Variants in ANO7 observed in about 807,000 individuals in gnomAD.
ANO7 encodes anoctamin 7, also known as anoctamin-7.
Under a neutral mutation model 115.8 loss-of-function variants are expected in ANO7, and 114 were observed. The ratio of observed to expected loss-of-function variants is 0.98; its 90% CI spans 0.85 to 1.15. The LOEUF (loss-of-function observed/expected upper bound fraction) is 1.15, where lower values mean the gene tolerates loss of function less well. Among genes scored for constraint, ANO7 ranks in the 50% most tolerant of loss-of-function variants. ANO7 has a pLI of 0.00. For missense variants in ANO7, 1,302 were observed against 1,201.2 expected (o/e 1.08, Z -1.24); for synonymous variants, 550 against 498.2 (o/e 1.10, Z -1.38).
At chr2:241,213,651 C>T (rs1454525015) in intron 17 of ANO7, among the ~76,000 whole-genome samples, 1 of 152,192 alleles carries the variant, frequency 6.6e-6, no homozygotes, top group African/African-American at 2.4e-5. Flanking sequence ...CAGCTGGGGT[C>T]GCAGGCAGCA....
chr2:241,195,348 G>A (rs1421413335), intron 3 of ANO7, among the ~76,000 whole-genome samples: 1 of 152,220 alleles, frequency 6.6e-6, no homozygotes, highest in Non-Finnish European at 1.5e-5. Context: ...CTCTATGGCA[G>A]GACGGGAAGT....
At chr2:241,215,495 C>T (rs1263112769) in intron 18 of ANO7, among the ~76,000 whole-genome samples, 1 of 152,254 alleles carries the variant, frequency 6.6e-6, no homozygotes, top group Non-Finnish European at 1.5e-5. Context: ...CAAATCAGCA[C>T]TGACATTTCT....
Position 241,190,100 on chromosome 2 carries a change from G to A in ANO7, c.37G>A (p.Val13Ile), listed in dbSNP as rs2302054. The part of the protein sequence containing the change: ...RRRAQEEDST[V>I]LIDVSPPEAE... ...ACGGGCCCAGGAAGAGGACAGCACCGTCCTGATCGATGTGAGCCCCCCTGA... is the reference window on the plus strand; with the variant it reads ...ACGGGCCCAGGAAGAGGACAGCACCATCCTGATCGATGTGAGCCCCCCTGA... The change falls in exon 2 of 25, where the codon GTC becomes ATC. Residue 13 changes from valine (V) to isoleucine (I), a missense_variant. Physicochemically the swap from Val to Ile is conservative, Grantham distance 29. Coordinates refer to ENST00000674324, the MANE Select transcript of ANO7 (RefSeq NM_001370694.2). 51,768 of 1,584,012 alleles carry A rather than the reference G, an allele frequency of 0.033. 7,769 individuals are homozygous for A. In the East Asian group the frequency reaches 0.47, roughly 14 times the overall value.
intron 21 of ANO7, among the ~76,000 whole-genome samples, chr2:241,221,135 G>A (rs1414854280): frequency 2.6e-5 from 4 of 151,480 alleles, no homozygotes; most frequent in Non-Finnish European, 5.9e-5. Flanking sequence ...GCAATGGCGC[G>A]ATCTTGGCTC....
chr2:241,217,155 C>T (rs894265501), intron 19 of ANO7, among the ~76,000 whole-genome samples: 7 of 152,166 alleles, frequency 4.6e-5, no homozygotes, highest in African/African-American at 7.2e-5. Flanking sequence ...ACCTAGCAAG[C>T]GGGCATGTGA....
At chr2:241,208,951 C>T (rs367732790) in intron 11 of ANO7, among the ~76,000 whole-genome samples, 11 of 152,042 alleles carry the variant, frequency 7.2e-5, no homozygotes, top group Admixed American at 2.0e-4. Context: ...AGATCGAGAC[C>T]ATCCTGGCTA....
At chr2:241,239,296 T>A in the ANO7 span, among the ~76,000 whole-genome samples, 5 of 152,258 alleles carry the variant, frequency 3.3e-5, no homozygotes, top group East Asian at 9.6e-4. The surrounding 1 kb of genome is among the most constrained non-coding windows in gnomAD (Gnocchi z 4.6). Context: ...TCCTGATCCC[T>A]TATACAGAAT....
At chr2:241,196,863 G>C (rs1452398997) in intron 4 of ANO7, among the ~76,000 whole-genome samples, 1 of 117,788 alleles carries the variant, frequency 8.5e-6, no homozygotes, top group Non-Finnish European at 1.8e-5. Flanking sequence ...GTGTGTGTGT[G>C]TGTGTGTGTG....
intron 19 of ANO7, 98 bp from the exon 20 acceptor site, chr2:241,217,588 C>A: frequency 1.5e-6 from 2 of 1,340,990 alleles, no homozygotes; most frequent in Non-Finnish European, 2.0e-6. Flanking sequence ...GATGGGGTGG[C>A]GGCACCACGT....
At chr2:241,224,022 G>C in intron 24 of ANO7, 67 bp downstream of exon 24, 9 of 1,613,132 alleles carry the variant, frequency 5.6e-6, no homozygotes, top group Non-Finnish European at 5.9e-6. Flanking sequence ...CTGCCCAGCC[G>C]CCCACTGTGC....
Position 241,223,646 on chromosome 2 carries a change from C to T in ANO7, c.2413-16C>T, listed in dbSNP as rs757503916. 1 of 1,610,162 alleles carries T rather than the reference C, an allele frequency of 6.2e-7. No individual in the cohort carries two copies. Among genetic ancestry groups the T allele is most frequent in the South Asian group, 1.1e-5 (1 of 90,400 alleles). On this transcript the variant is annotated splice_polypyrimidine_tract_variant and intron_variant, in intron 22 of 24. Transcript: ENST00000674324. ...TGGGCGTTTGGGTGGGCGTGAGTGC[C>T]TTCCTCTGCTCCCAGCATGTGGTTT...
At chr2:241,195,663 A>G (rs773622592) in intron 3 of ANO7, 40 bp from the exon 4 acceptor site, 8 of 1,600,916 alleles carry the variant, frequency 5.0e-6, no homozygotes. Context: ...GGCCACTGCC[A>G]CTTAGCCAGG....
downstream of ANO7, chr2:241,230,174 G>C (rs1353921759): frequency 1.2e-6 from 2 of 1,612,954 alleles, no homozygotes; most frequent in Admixed American, 3.3e-5. This position sits in a 1 kb window ranked among gnomAD's most constrained non-coding sequence, Gnocchi z 5.0. Context: ...CCAGATTGAG[G>C]ATGTGGTCGA....
At chr2:241,213,114 C>T (rs1346358379) in intron 17 of ANO7, among the ~76,000 whole-genome samples, 1 of 152,164 alleles carries the variant, frequency 6.6e-6, no homozygotes, top group African/African-American at 2.4e-5. Context: ...CACACAGGCC[C>T]GCAGAGGCTG....
intron 9 of ANO7, 56 bp from the exon 10 acceptor site, chr2:241,204,809 C>A: frequency 6.8e-7 from 1 of 1,466,642 alleles, no homozygotes; most frequent in Non-Finnish European, 9.5e-7. Context: ...CAGACCCCTA[C>A]CTGGGGCCCC....
At position 241,203,464 on chromosome 2, in the gene ANO7, CGGGGA is replaced by C; in HGVS notation, c.857_861del (p.Gly286GlufsTer115). ...CCCTGGACCACGTGCGCAGGTACTTCGGGGAGAAGGTGGCCCTCTACTTCGCCTGG... is the reference window on the plus strand; with the variant it reads ...CCCTGGACCACGTGCGCAGGTACTTCGAAGGTGGCCCTCTACTTCGCCTGG... On this transcript the variant is annotated frameshift_variant, in exon 9 of 25. Transcript: ENST00000674324. LOFTEE classifies it high-confidence loss of function. The surrounding 1 kb of genome is among the most constrained non-coding windows in gnomAD (Gnocchi z 4.8). 1 of 1,564,784 alleles carries C rather than the reference CGGGGA, an allele frequency of 6.4e-7. No individual in the cohort carries two copies. The highest frequency in any genetic ancestry group is 1.8e-5 in the Admixed American group (1 of 54,306).
At chr2:241,215,790 C>T (rs1489871616) in intron 18 of ANO7, among the ~76,000 whole-genome samples, 1 of 152,256 alleles carries the variant, frequency 6.6e-6, no homozygotes, top group Non-Finnish European at 1.5e-5. Flanking sequence ...GAGCTCTTGG[C>T]ACTGCTTTGC....
chr2:241,234,248 C>T, the ANO7 span, among the ~76,000 whole-genome samples: 1 of 152,190 alleles, frequency 6.6e-6, no homozygotes, highest in African/African-American at 2.4e-5. Flanking sequence ...CAGAGCTAGG[C>T]AGTGAGTCAC....
chr2:241,191,280 C>G, intron 3 of ANO7, 29 bp downstream of exon 3: 2 of 1,612,526 alleles, frequency 1.2e-6, no homozygotes, highest in Non-Finnish European at 1.7e-6. Flanking sequence ...CTGTACCACA[C>G]CCGTGTTGGT....
Sources: allele counts gnomAD v4.1 joint callset (sites outside exome capture counted in the v4.1 genomes callset), GRCh38; gene constraint gnomAD v4.1.1; non-coding constraint Gnocchi (gnomAD v3.1); transcripts MANE v1.5; gene names NCBI Gene and HGNC (gene_info 2026-07-23, HGNC 2026-07-21).